The following COL1A2 variants were observed in gnomAD, a reference collection of about 807,000 sequenced individuals.
The protein encoded by COL1A2 is collagen alpha-2(I) chain.
Under a neutral mutation model 174.3 loss-of-function variants are expected in COL1A2, and 49 were observed. The observed-to-expected ratio is 0.28, with a 90% CI of 0.22 to 0.36. COL1A2 has a LOEUF of 0.36. Ranked by LOEUF, COL1A2 falls within the 10% of genes least tolerant of loss-of-function variation. The pLI, the probability that COL1A2 is intolerant of heterozygous loss-of-function variation, is 1.00. For synonymous variants in COL1A2, 655 were observed against 606.6 expected (o/e 1.08, Z -1.17); for missense variants, 1,438 against 1,822.7 (o/e 0.79, Z 3.84).
intron 25 of COL1A2, among the ~76,000 whole-genome samples, 173 bp downstream of exon 25, chr7:94,412,855 C>A (rs145213084): frequency 1.2e-4 from 18 of 152,280 alleles, no homozygotes; most frequent in African/African-American, 4.1e-4. Context: ...TCCTTATATC[C>A]CTGCTAAAAA....
At chr7:94,421,091 T>C (rs1315428161) in intron 38 of COL1A2, 29 bp downstream of exon 38, 1 of 1,612,176 alleles carries the variant, frequency 6.2e-7, no homozygotes, top group Non-Finnish European at 8.5e-7. Context: ...CTCTCGCCGC[T>C]TTTCTTTTTT....
rs377283022 is a variant in COL1A2, at chr7:94,404,898, T to C, written c.432+6T>C. ...CTGGCAAGGCTGGTGAAGATGTAAG[T>C]ATTTACTCTTAAGCACTTTCAAAAT... On this transcript the variant is annotated splice_donor_region_variant and intron_variant, in intron 9 of 51. Transcript: ENST00000297268. 3.7e-6 allele frequency: 6 copies of C among 1,613,812 alleles called. No individual in the cohort carries two copies. In the African/African-American group the frequency reaches 6.7e-5, roughly 18 times the overall value.
chr7:94,427,325 A>C (rs1423804301), intron 48 of COL1A2, 30 bp downstream of exon 48: 3 of 1,563,250 alleles, frequency 1.9e-6, no homozygotes, highest in South Asian at 1.1e-5. Context: ...ATAATAAAGA[A>C]GATCACGGAC....
chr7:94,425,881 T>C (rs1358267725), intron 44 of COL1A2, 24 bp downstream of exon 44: 1 of 1,606,358 alleles, frequency 6.2e-7, no homozygotes, highest in Admixed American at 1.7e-5. Flanking sequence ...TACCAGTCCC[T>C]CAGTGCAGCA....
chr7:94,414,146 A>T lies in COL1A2; in HGVS notation c.1666-76A>T. ...CTCATGTTGATATTTGGTAGCCACC[A>T]CCCCCAAACTCAATTATTAGCAAAT... On this transcript the variant is annotated intron_variant, in intron 28 of 51. Coordinates refer to ENST00000297268, the MANE Select transcript of COL1A2 (RefSeq NM_000089.4). 4 of 1,501,904 alleles carry T rather than the reference A, an allele frequency of 2.7e-6. No homozygotes were observed. The East Asian group carries it at 9.0e-5, about 34-fold the overall frequency. 93.0% of individuals were successfully genotyped at this position (1,501,904 alleles called of 1,614,324 possible).
Position 94,429,397 on chromosome 7 carries a change from G to C in COL1A2, c.3921G>C (p.Arg1307Ser), listed in dbSNP as rs1462561650. The change falls in exon 51 of 52, where the codon AGG becomes AGC. Residue 1307 changes from arginine (R) to serine (S), a missense_variant. Transcript: ENST00000297268. ...DVELVAEGNSRFTYTVLVDGC... is the reference protein window; with the variant it reads ...DVELVAEGNSSFTYTVLVDGC... Reference sequence around the variant, plus strand: ...AACTTGTTGCTGAGGGCAACAGCAGGTTCACTTACACTGTTCTTGTAGATG... The same window carrying C: ...AACTTGTTGCTGAGGGCAACAGCAGCTTCACTTACACTGTTCTTGTAGATG... 1 of 1,614,038 alleles carries C rather than the reference G, an allele frequency of 6.2e-7. No individual in the cohort carries two copies. The highest frequency in any genetic ancestry group is 1.3e-5 in the African/African-American group (1 of 75,010).
In COL1A2 at chr7:94,426,112, A is replaced by G. The variant is rs919991212; in HGVS notation, c.2997+61A>G. 328 of 1,449,694 alleles carry G rather than the reference A, an allele frequency of 2.3e-4. 7 individuals carry two copies. The highest frequency in any genetic ancestry group is 2.2e-3 in the South Asian group (190 of 87,716). 89.8% of individuals were successfully genotyped at this position (1,449,694 alleles called of 1,614,324 possible). A position where few individuals can be genotyped will look rare whatever the true frequency, so the allele number is the denominator to read the frequency against. ...CATTTAGAGAGAATCAGTCCAAAAC[A>G]TCTGTTAAGAAAATAAACAATATAT... On this transcript the variant is annotated intron_variant, in intron 45 of 51. Coordinates refer to ENST00000297268, the MANE Select transcript of COL1A2 (RefSeq NM_000089.4).
At position 94,401,559 on chromosome 7, in the gene COL1A2, TTC is replaced by T; in HGVS notation, c.226-4_226-3del. On this transcript the variant is annotated splice_polypyrimidine_tract_variant and splice_region_variant and intron_variant, in intron 5 of 51. Coordinates refer to ENST00000297268, the MANE Select transcript of COL1A2 (RefSeq NM_000089.4). ...TATATATATAATTTTTTTTTTTTAC[TTC>T]TCTAGAACTTTGCTGCTCAGTATGA... 7.5e-7 allele frequency: 1 copy of T among 1,339,314 alleles called. No homozygotes were observed. Among genetic ancestry groups the T allele is most frequent in the South Asian group, 2.3e-5 (1 of 44,110 alleles). 83.0% of individuals were successfully genotyped at this position (1,339,314 alleles called of 1,614,324 possible).
intron 40 of COL1A2, 194 bp downstream of exon 40, chr7:94,423,312 G>C: frequency 1.6e-6 from 1 of 643,532 alleles, no homozygotes; most frequent in South Asian, 1.9e-5. Context: ...GCACAAAATC[G>C]GGAAGACAAT....
At chr7:94,426,102 A>G (rs769901646) in intron 45 of COL1A2, 51 bp downstream of exon 45, 1 of 1,483,702 alleles carries the variant, frequency 6.7e-7, no homozygotes, top group Non-Finnish European at 9.4e-7. Flanking sequence ...AGAGAGAATC[A>G]GTCCAAAACA....
intron 33 of COL1A2, among the ~76,000 whole-genome samples, chr7:94,418,805 C>A (rs773660000): frequency 6.6e-6 from 1 of 151,832 alleles, no homozygotes; most frequent in Non-Finnish European, 1.5e-5. Context: ...ATACCAACTA[C>A]AAACTATAGA....
intron 41 of COL1A2, 148 bp from the exon 42 acceptor site, chr7:94,424,969 T>C (rs1386540915): frequency 1.1e-5 from 8 of 712,486 alleles, no homozygotes; most frequent in East Asian, 1.1e-4. Context: ...ATGATACTAA[T>C]GATACTTCTT....
intron 29 of COL1A2, among the ~76,000 whole-genome samples, 153 bp from the exon 30 acceptor site, chr7:94,415,072 AC>A (rs962392213): frequency 2.0e-5 from 3 of 152,198 alleles, no homozygotes; most frequent in African/African-American, 7.2e-5. Context: ...ATCTTTCCAT[AC>A]TAAAAGTTGT....
intron 12 of COL1A2, among the ~76,000 whole-genome samples, chr7:94,406,964 T>C (rs905909649): frequency 2.6e-5 from 4 of 152,190 alleles, no homozygotes; most frequent in Non-Finnish European, 5.9e-5. Context: ...TATTCTAACT[T>C]TCCAGCTGCC....
intron 25 of COL1A2, 134 bp from the exon 26 acceptor site, chr7:94,412,949 T>C: frequency 4.5e-6 from 4 of 897,120 alleles, no homozygotes; most frequent in Non-Finnish European, 1.8e-6. Context: ...CATCCTTAGA[T>C]AACAGAAACC....
chr7:94,419,615 A>G lies in COL1A2; in HGVS notation c.2079+64A>G, dbSNP rs955618781. The G allele has an allele frequency of 2.7e-5, 42 of 1,570,018 alleles. 1 individual carries two copies. Among genetic ancestry groups the G allele is most frequent in the Non-Finnish European group, 3.3e-5 (38 of 1,140,216 alleles). ...AAATTTCCCGCCTTCCCTAGTCCCA[A>G]AGAGCCCCAGCAATTCATTTTTATG... On this transcript the variant is annotated intron_variant, in intron 34 of 51. Transcript: ENST00000297268.
rs1239934913 is a variant in COL1A2 at position 94,408,227 on chromosome 7, T to C, written c.684T>C (p.Pro228=). The C allele has an allele frequency of 1.9e-6, 3 of 1,614,212 alleles. No individual in the cohort carries two copies. Among genetic ancestry groups the C allele is most frequent in the Non-Finnish European group, 2.5e-6 (3 of 1,180,032 alleles). Residue 228 remains proline (P), a synonymous_variant, in exon 14 of 52, where the codon CCT becomes CCC. Coordinates refer to ENST00000297268, the MANE Select transcript of COL1A2 (RefSeq NM_000089.4). ...GTGAGAGAGGACGTGTTGGTGCCCC[T>C]GGCCCAGCTGTAAGTGCTTCCATTT... ...LPGERGRVGA[P]GPAGARGSDG... is the part of the protein sequence containing the mutation.
chr7:94,405,366 A>T, intron 10 of COL1A2, 114 bp downstream of exon 10: 1 of 1,001,190 alleles, frequency 1.0e-6, no homozygotes, highest in Non-Finnish European at 1.5e-6. Context: ...CATAACATGA[A>T]TCGAAGGCAT....
rs1242732788 is a variant in COL1A2, at chr7:94,426,480, C to T, written c.3055C>T (p.Leu1019Phe). Reference sequence around the variant, plus strand: ...GCCCGGTGAAAAGGGGCCCAGAGGTCTTCCTGGCTTAAAGGGACACAATGG... The same window carrying T: ...GCCCGGTGAAAAGGGGCCCAGAGGTTTTCCTGGCTTAAAGGGACACAATGG... ...GEPGEKGPRG[L>F]PGLKGHNGLQ... The change falls in exon 46 of 52, where the codon CTT becomes TTT. Residue 1019 changes from leucine to phenylalanine, a missense_variant. By Grantham distance (22) the Leu-to-Phe change is conservative. Transcript: ENST00000297268. 3.1e-6 allele frequency: 5 copies of T among 1,607,470 alleles called. No individual in the cohort carries two copies. In the African/African-American group the frequency reaches 4.0e-5, roughly 13 times the overall value.
Sources: gnomAD v4.1 joint callset for allele counts (sites outside exome capture counted in the v4.1 genomes callset) on GRCh38, gnomAD v4.1.1 for gene constraint, MANE v1.5 for transcripts, NCBI Gene and HGNC (gene_info 2026-07-23, HGNC 2026-07-21) for gene names.